ZAP70: variants seen among roughly 807,000 people sequenced by gnomAD.
The protein encoded by ZAP70 is tyrosine-protein kinase ZAP-70.
ZAP70 carries 27 observed loss-of-function variants against 65.8 expected under a neutral mutation model. That is an observed-to-expected ratio of 0.41 (90% CI 0.30 to 0.57). The LOEUF (loss-of-function observed/expected upper bound fraction) is 0.57, where lower values mean the gene tolerates loss of function less well. Ranked by LOEUF, ZAP70 falls within the 20% of genes least tolerant of loss-of-function variation. ZAP70 has a pLI of 0.28. For synonymous variants in ZAP70, 363 were observed against 360.8 expected (o/e 1.01, Z -0.07); for missense variants, 696 against 870.5 (o/e 0.80, Z 2.52).
chr2:97,755,186 T>C, the ZAP70 span, among the ~76,000 whole-genome samples: 3 of 152,006 alleles, frequency 2.0e-5, no homozygotes, highest in Admixed American at 6.6e-5. Context: ...AACCGATGCG[T>C]TGTGGCGTAC....
intron 2 of ZAP70, among the ~76,000 whole-genome samples, chr2:97,723,357 G>C (rs1677234467): frequency 6.6e-6 from 1 of 152,260 alleles, no homozygotes; most frequent in Non-Finnish European, 1.5e-5. Flanking sequence ...GGGCCCTTGG[G>C]TGAGCAAAGC....
rs1676864587 is a variant in ZAP70, at chr2:97,715,324, A to G, written c.-22+1330A>G. On this transcript the variant is annotated intron_variant, in intron 2 of 13. Coordinates refer to ENST00000264972, the MANE Select transcript of ZAP70 (RefSeq NM_001079.4). The surrounding 1 kb of genome is among the most constrained non-coding windows in gnomAD (Gnocchi z 4.1). ...GTTACTGGCATCCAGCATGTCCAGGACAGGAATCCTGTGAACAGCCTACAA... is the reference window on the plus strand; with the variant it reads ...GTTACTGGCATCCAGCATGTCCAGGGCAGGAATCCTGTGAACAGCCTACAA... Among the ~76,000 whole-genome samples, 1 of 152,220 alleles carries G rather than the reference A, an allele frequency of 6.6e-6. No homozygotes were observed. The highest frequency in any genetic ancestry group is 1.5e-5 in the Non-Finnish European group (1 of 68,034).
At position 97,739,255 on chromosome 2, in the gene ZAP70, C is replaced by A. The variant is rs75226272; in HGVS notation, c.1737-120C>A. 28 of 1,490,040 alleles carry A rather than the reference C, an allele frequency of 1.9e-5. 1 individual carries two copies. In the African/African-American group the frequency reaches 2.8e-4, roughly 15 times the overall value. 92.3% of individuals were successfully genotyped at this position (1,490,040 alleles called of 1,614,324 possible). ...CCCAATGTCCCGCCACCCCAACAGC[C>A]CTGCTGACTTTCTGAGCCCCAAAAG... On this transcript the variant is annotated intron_variant, in intron 13 of 13. Transcript: ENST00000264972.
intron 2 of ZAP70, among the ~76,000 whole-genome samples, chr2:97,723,030 T>C (rs1677221286): frequency 3.9e-5 from 6 of 152,204 alleles, no homozygotes. Context: ...ACCCAAGCCC[T>C]GTGAATATAC....
intron 10 of ZAP70, 33 bp downstream of exon 10, chr2:97,735,489 G>C (rs1677834946): frequency 1.3e-6 from 2 of 1,593,400 alleles, no homozygotes; most frequent in Non-Finnish European, 8.6e-7. Flanking sequence ...CATCGGGTGG[G>C]TGGGGCCGGG....
intron 9 of ZAP70, 123 bp downstream of exon 9, chr2:97,734,835 T>A: frequency 7.4e-7 from 1 of 1,349,914 alleles, no homozygotes; most frequent in Non-Finnish European, 1.0e-6. Context: ...AAACAGACTC[T>A]GGGGCAGGAC....
At chr2:97,733,683 GCGCTGTGGGC>G in intron 8 of ZAP70, 88 bp downstream of exon 8, 1 of 1,551,396 alleles carries the variant, frequency 6.4e-7, no homozygotes, top group Admixed American at 1.7e-5. Context: ...TTCACGGGGG[GCGCTGTGGGC>G]CGGGCCAGGC....
chr2:97,716,023 C>T (rs554110844), intron 2 of ZAP70, among the ~76,000 whole-genome samples: 1 of 152,194 alleles, frequency 6.6e-6, no homozygotes, highest in East Asian at 1.9e-4. Context: ...AGGATGGGGA[C>T]CCTGGAAGCC....
At chr2:97,727,520 C>T (rs971200672) in intron 4 of ZAP70, among the ~76,000 whole-genome samples, 8 of 152,180 alleles carry the variant, frequency 5.3e-5, no homozygotes, top group Admixed American at 4.6e-4. Context: ...ATGTTTGCTC[C>T]CACGTTCTCA....
chr2:97,728,017 C>T (rs1447551619), intron 4 of ZAP70, among the ~76,000 whole-genome samples: 2 of 152,166 alleles, frequency 1.3e-5, no homozygotes, highest in Admixed American at 6.5e-5. Flanking sequence ...GCTTGAATGA[C>T]GACAGCCGCT....
Position 97,733,604 on chromosome 2 carries a change from G to T in ZAP70, c.889+9G>T. The T allele has an allele frequency of 1.2e-6, 2 of 1,613,566 alleles. No homozygotes were observed. The highest frequency in any genetic ancestry group is 1.3e-5 in the African/African-American group (1 of 75,032). ...ATACACCCCTGAGCCAGGTGAGCGG[G>T]CAGAGGTGGGGACGCGGGTTGGGGC... On this transcript the variant is annotated intron_variant, in intron 8 of 13. Coordinates refer to ENST00000264972, the MANE Select transcript of ZAP70 (RefSeq NM_001079.4).
Position 97,733,614 on chromosome 2 carries a change from G to A in ZAP70, c.889+19G>A, listed in dbSNP as rs760529841. ...GAGCCAGGTGAGCGGGCAGAGGTGG[G>A]GACGCGGGTTGGGGCTCATGCTGAG... On this transcript the variant is annotated intron_variant, in intron 8 of 13. Transcript: ENST00000264972. 1.2e-6 allele frequency: 2 copies of A among 1,613,324 alleles called. No homozygotes were observed. The highest frequency in any genetic ancestry group is 1.3e-5 in the African/African-American group (1 of 74,880).
rs1333814219 is a variant in ZAP70, at chr2:97,723,998, C to G, written c.-21-18C>G. ...CAGGAAGGCCCTGACGTGCCTCCGACCCTCTGTGAACCCGCAGGTTTCGGG... is the reference window on the plus strand; with the variant it reads ...CAGGAAGGCCCTGACGTGCCTCCGAGCCTCTGTGAACCCGCAGGTTTCGGG... On this transcript the variant is annotated intron_variant, in intron 2 of 13. Transcript: ENST00000264972. 1 of 1,537,976 alleles carries G rather than the reference C, an allele frequency of 6.5e-7. No homozygotes were observed. The highest frequency in any genetic ancestry group is 8.7e-7 in the Non-Finnish European group (1 of 1,148,314).
At chr2:97,738,703 C>G (rs1678014611) in intron 13 of ZAP70, 1 of 169,692 alleles carries the variant, frequency 5.9e-6, no homozygotes, top group African/African-American at 2.4e-5. Context: ...CGCATGACCC[C>G]CCACCGGCCA....
At chr2:97,751,072 T>C in the ZAP70 span, among the ~76,000 whole-genome samples, 41 of 152,360 alleles carry the variant, frequency 2.7e-4, no homozygotes, top group Non-Finnish European at 5.9e-4. Context: ...TTTCAAAGAA[T>C]GGATTACTGG....
chr2:97,750,137 G>A, the ZAP70 span, among the ~76,000 whole-genome samples: 2 of 152,204 alleles, frequency 1.3e-5, no homozygotes, highest in Admixed American at 6.5e-5. Context: ...TCAGTAAATG[G>A]CAGAGCCAGG....
chr2:97,755,818 T>G, the ZAP70 span, among the ~76,000 whole-genome samples: 41,315 of 152,104 alleles, frequency 0.27, 6,146 homozygotes, highest in Middle Eastern at 0.38. Flanking sequence ...CTGGTAAAGG[T>G]TGGCCAGTGT....
At position 97,724,135 on chromosome 2, in the gene ZAP70, CT is replaced by C. The variant is rs1677273679; in HGVS notation, c.101del (p.Phe34SerfsTer135). 1 of 1,567,066 alleles carries C rather than the reference CT, an allele frequency of 6.4e-7. No individual in the cohort carries two copies. Among genetic ancestry groups the C allele is most frequent in the Non-Finnish European group, 8.6e-7 (1 of 1,158,716 alleles). On this transcript the variant is annotated frameshift_variant, in exon 3 of 14. Coordinates refer to ENST00000264972, the MANE Select transcript of ZAP70 (RefSeq NM_001079.4). LOFTEE classifies it high-confidence loss of function. The stretch of plus-strand genomic sequence containing the variant: ...AGCTGGCGGGCATGGCGGACGGGCT[CT>C]TCCTGCTGCGCCAGTGCCTGCGCTC... Reference protein sequence around the residue: ...LKLAGMADGLFLLRQCLRSLG... With the variant: ...LKLAGMADGLXLLRQCLRSLG...
At chr2:97,754,267 G>A in the ZAP70 span, among the ~76,000 whole-genome samples, 3 of 152,180 alleles carry the variant, frequency 2.0e-5, no homozygotes, top group African/African-American at 2.4e-5. Flanking sequence ...TGCTGGCGAG[G>A]CTCATGGGGT....
Sources: allele counts gnomAD v4.1 joint callset (sites outside exome capture counted in the v4.1 genomes callset), GRCh38; gene constraint gnomAD v4.1.1; non-coding constraint Gnocchi (gnomAD v3.1); transcripts MANE v1.5; gene names NCBI Gene and HGNC (gene_info 2026-07-23, HGNC 2026-07-21).